MACROD2: variants seen among roughly 807,000 people sequenced by gnomAD.
The protein encoded by MACROD2 is mono-ADP ribosylhydrolase 2.
A neutral mutation model predicts 70.4 loss-of-function variants in MACROD2; 36 were observed. The observed-to-expected ratio is 0.51, with a 90% confidence interval of 0.39 to 0.68. MACROD2 has a LOEUF of 0.68. MACROD2 is among the 30% of genes least tolerant of loss of function. The pLI, the probability that MACROD2 is intolerant of heterozygous loss-of-function variation, is 0.00. For missense variants in MACROD2, 496 were observed against 538.4 expected (o/e 0.92, Z 0.78); for synonymous variants, 172 against 178.8 (o/e 0.96, Z 0.30).
chr20:15,714,214 C>T (rs1384875337), intron 8 of MACROD2, among the ~76,000 whole-genome samples: 1 of 152,188 alleles, frequency 6.6e-6, no homozygotes, highest in African/African-American at 2.4e-5. Flanking sequence ...GGGCCAACCA[C>T]AGAACTAAGA....
At chr20:15,431,708 G>A (rs151028653) in intron 7 of MACROD2, among the ~76,000 whole-genome samples, 23 of 152,086 alleles carry the variant, frequency 1.5e-4, no homozygotes, top group African/African-American at 5.5e-4. Context: ...CAGTAGGATT[G>A]ACTTCTAATA....
chr20:15,433,172 G>A (rs1194779708), intron 7 of MACROD2, among the ~76,000 whole-genome samples: 2 of 152,032 alleles, frequency 1.3e-5, no homozygotes, highest in African/African-American at 4.8e-5. Flanking sequence ...TTCACCACTT[G>A]TTTTCAACAT....
At chr20:15,869,086 C>G in intron 9 of MACROD2, among the ~76,000 whole-genome samples, 1 of 151,388 alleles carries the variant, frequency 6.6e-6, no homozygotes, top group Non-Finnish European at 1.5e-5. Context: ...ACCACTATGC[C>G]CAGCTCTAAT....
Position 14,893,786 on chromosome 20 carries a change from T to C in MACROD2, c.418+208827T>C, listed in dbSNP as rs1057157561. 3.3e-5 allele frequency: 5 copies of C among 152,218 alleles called. No homozygotes were observed. The East Asian group carries it at 5.8e-4, about 18-fold the overall frequency. 9.4% of individuals were successfully genotyped at this position (152,218 alleles called of 1,614,324 possible). ...AATATAATACATTATCCTTTTATCT[T>C]TTATTTATTTATTTTTAAGACAGAG... On this transcript the variant is annotated intron_variant, in intron 5 of 17. Transcript: ENST00000684519.
intron 6 of MACROD2, among the ~76,000 whole-genome samples, chr20:15,340,126 CTTTCTTTTTTTTTTTTTT>C (rs1249902552): frequency 1.4e-4 from 13 of 91,844 alleles, no homozygotes; most frequent in Middle Eastern, 6.6e-3. Context: ...TTCTTTCTTT[CTTTCTTTTTTTTTTTTTT>C]TTTTTTTTTT....
intron 3 of MACROD2, among the ~76,000 whole-genome samples, chr20:14,245,525 A>G (rs1290071271): frequency 1.3e-5 from 2 of 152,208 alleles, no homozygotes; most frequent in Admixed American, 1.3e-4. Context: ...GTTAGTAAGC[A>G]TTAAATCCAG....
intron 13 of MACROD2, among the ~76,000 whole-genome samples, chr20:15,977,572 AT>A (rs2066326538): frequency 6.6e-6 from 1 of 152,226 alleles, no homozygotes; most frequent in Non-Finnish European, 1.5e-5. Flanking sequence ...ACAGACCTTG[AT>A]GAGTACTCTA....
At chr20:15,845,750 A>G (rs2064224061) in intron 8 of MACROD2, among the ~76,000 whole-genome samples, 1 of 152,198 alleles carries the variant, frequency 6.6e-6, no homozygotes, top group African/African-American at 2.4e-5. Flanking sequence ...CTATGTGATA[A>G]TTACTTCACA....
At chr20:14,736,597 T>C (rs746988944) in intron 5 of MACROD2, among the ~76,000 whole-genome samples, 1 of 152,184 alleles carries the variant, frequency 6.6e-6, no homozygotes, top group Non-Finnish European at 1.5e-5. Flanking sequence ...TTAATATCAG[T>C]GATAATCATA....
intron 4 of MACROD2, among the ~76,000 whole-genome samples, chr20:14,578,865 G>A (rs997031402): frequency 2.6e-5 from 4 of 152,124 alleles, no homozygotes; most frequent in African/African-American, 9.7e-5. Flanking sequence ...AGGAGCGTGT[G>A]ACTCTGGTTT....
chr20:15,208,818 A>G (rs148238439), intron 5 of MACROD2, among the ~76,000 whole-genome samples: 41 of 152,296 alleles, frequency 2.7e-4, no homozygotes, highest in African/African-American at 9.4e-4. Flanking sequence ...TGGTAGTAAA[A>G]GTGCCAGCTT....
At chr20:15,951,341 ACACACACACAAAG>A (rs2065901732) in intron 12 of MACROD2, among the ~76,000 whole-genome samples, 1 of 151,438 alleles carries the variant, frequency 6.6e-6, no homozygotes, top group Non-Finnish European at 1.5e-5. Context: ...ACACACACAC[ACACACACACAAAG>A]AGAGAGAGAG....
At chr20:15,981,573 ATATT>A (rs1485968956) in intron 13 of MACROD2, among the ~76,000 whole-genome samples, 1 of 152,102 alleles carries the variant, frequency 6.6e-6, no homozygotes, top group Non-Finnish European at 1.5e-5. Flanking sequence ...ACATGAAGTG[ATATT>A]TAGAGACTGG....
chr20:15,740,366 T>C (rs764936355), intron 8 of MACROD2, among the ~76,000 whole-genome samples: 4 of 152,130 alleles, frequency 2.6e-5, no homozygotes, highest in Non-Finnish European at 5.9e-5. Flanking sequence ...TTACTATCTA[T>C]AGCAGGGTCT....
intron 5 of MACROD2, among the ~76,000 whole-genome samples, chr20:15,114,605 A>G (rs969006703): frequency 7.9e-5 from 12 of 152,186 alleles, no homozygotes; most frequent in African/African-American, 2.9e-4. Context: ...CTTTGATTGA[A>G]TCCAATTAAG....
rs34011264 is a variant in MACROD2 at position 15,616,098 on chromosome 20, CTTTT to C, written c.645+116270_645+116273del. On this transcript the variant is annotated intron_variant, in intron 8 of 17. Coordinates refer to ENST00000684519, the MANE Select transcript of MACROD2 (RefSeq NM_001351661.2). Reference sequence around the variant, plus strand: ...TCTCTCACTCCATCAGTTCCCCATTCTTTTTTTTTTTTTTTTTTTTTTGAGACAG... The same window carrying C: ...TCTCTCACTCCATCAGTTCCCCATTCTTTTTTTTTTTTTTTTTTGAGACAG... Among the ~76,000 whole-genome samples the C allele has an allele frequency of 5.4e-5, 6 of 111,210 alleles. No homozygotes were observed. The South Asian group carries it at 8.5e-4, about 16-fold the overall frequency. The allele number at this position is 111,210 out of a possible 152,430, so 73.0% of individuals were successfully genotyped here. A position where few individuals can be genotyped will look rare whatever the true frequency, so the allele number is the denominator to read the frequency against.
At chr20:15,247,542 C>A (rs1353188220) in intron 6 of MACROD2, among the ~76,000 whole-genome samples, 1 of 152,132 alleles carries the variant, frequency 6.6e-6, no homozygotes, top group African/African-American at 2.4e-5. Flanking sequence ...CTGTTGGGAC[C>A]TGCCACTTTC....
At chr20:14,173,363 C>G (rs2081238786) in intron 3 of MACROD2, among the ~76,000 whole-genome samples, 1 of 152,066 alleles carries the variant, frequency 6.6e-6, no homozygotes, top group African/African-American at 2.4e-5. Context: ...AAAGCCCTCT[C>G]TTTGATCTCT....
At chr20:15,656,933 T>C (rs1036802768) in intron 8 of MACROD2, among the ~76,000 whole-genome samples, 9 of 152,150 alleles carry the variant, frequency 5.9e-5, no homozygotes, top group African/African-American at 2.2e-4. Context: ...TTTCTATTTT[T>C]TAAGTAAGTA....
Sources: gnomAD v4.1 joint callset for allele counts (sites outside exome capture counted in the v4.1 genomes callset) on GRCh38, gnomAD v4.1.1 for gene constraint, MANE v1.5 for transcripts, NCBI Gene and HGNC (gene_info 2026-07-23, HGNC 2026-07-21) for gene names.